RALGAPB: variants seen among roughly 807,000 people sequenced by gnomAD.
RALGAPB encodes Ral GTPase activating protein non-catalytic subunit beta.
A neutral mutation model predicts 161.1 loss-of-function variants in RALGAPB; 25 were observed. The ratio of observed to expected loss-of-function variants is 0.16; its 90% CI spans 0.11 to 0.22. The LOEUF is 0.22. Ranked by LOEUF, RALGAPB falls within the 10% of genes least tolerant of loss-of-function variation. The pLI is 1.00. For synonymous variants in RALGAPB, 629 were observed against 626.1 expected (o/e 1.00, Z -0.07); for missense variants, 1,391 against 1,815.2 (o/e 0.77, Z 4.25).
At chr20:38,541,234 T>G in intron 18 of RALGAPB, 42 bp downstream of exon 18, 2 of 1,603,340 alleles carry the variant, frequency 1.2e-6, no homozygotes, top group South Asian at 1.1e-5. Context: ...AGGAATTAGA[T>G]GGGGTTAGCA....
At chr20:38,571,673 G>T (rs1029580177) in intron 28 of RALGAPB, among the ~76,000 whole-genome samples, 2 of 152,186 alleles carry the variant, frequency 1.3e-5, no homozygotes, top group African/African-American at 2.4e-5. Context: ...AAATGGGAGT[G>T]CTGCTATCTC....
intron 9 of RALGAPB, among the ~76,000 whole-genome samples, chr20:38,520,568 T>C (rs2123111486): frequency 6.6e-6 from 1 of 150,914 alleles, no homozygotes; most frequent in East Asian, 1.9e-4. Flanking sequence ...CTTATTTTTA[T>C]ACAGATTTAG....
chr20:38,480,885 G>A (rs56111288), intron 1 of RALGAPB, among the ~76,000 whole-genome samples: 1,589 of 151,650 alleles, frequency 0.01, 22 homozygotes, highest in African/African-American at 0.037. Flanking sequence ...CTACAGGCGT[G>A]TGCCACCACG....
chr20:38,512,751 T>G (rs1335512297), intron 6 of RALGAPB, among the ~76,000 whole-genome samples: 2 of 152,100 alleles, frequency 1.3e-5, no homozygotes, highest in Non-Finnish European at 2.9e-5. Context: ...GTTAAAAATT[T>G]TATTTATTTT....
At chr20:38,574,647 G>C in intron 29 of RALGAPB, 127 bp from the exon 30 acceptor site, 3 of 918,162 alleles carry the variant, frequency 3.3e-6, no homozygotes, top group Non-Finnish European at 5.1e-6. Context: ...TCTCTCTGGG[G>C]ATGGGAAGTT....
In RALGAPB at chr20:38,548,744, T is replaced by G; in HGVS notation, c.2958T>G (p.Ala986=). 6.2e-7 allele frequency: 1 copy of G among 1,614,086 alleles called. No individual in the cohort carries two copies. The highest frequency in any genetic ancestry group is 8.5e-7 in the Non-Finnish European group (1 of 1,179,934). ...TCCGGGGAATGTCTGGAAGACTTGC[T>G]TGGGCACAACAGCTTTGTCTTTTAC... ...VLVRGMSGRL[A]WAQQLCLLPR... is the part of the protein sequence containing the mutation. The change falls in exon 20 of 30, where the codon GCT becomes GCG. Residue 986 remains alanine, a synonymous_variant. Transcript: ENST00000262879.
intron 22 of RALGAPB, among the ~76,000 whole-genome samples, chr20:38,555,180 G>A (rs2087533886): frequency 6.6e-6 from 1 of 152,188 alleles, no homozygotes; most frequent in Non-Finnish European, 1.5e-5. Context: ...TCTGGAGGTG[G>A]ACTTGGAATT....
At chr20:38,484,005 A>G (rs1434648893) in intron 1 of RALGAPB, among the ~76,000 whole-genome samples, 1 of 152,024 alleles carries the variant, frequency 6.6e-6, no homozygotes. Context: ...CCTGGCCAAT[A>G]TGGTGAATAC....
Position 38,517,488 on chromosome 20 carries a change from C to CTTTTTTTTT in RALGAPB, c.1052-12_1052-4dup. 1 of 1,315,236 alleles carries CTTTTTTTTT rather than the reference C, an allele frequency of 7.6e-7. No individual in the cohort carries two copies. Among genetic ancestry groups the CTTTTTTTTT allele is most frequent in the South Asian group, 1.5e-5 (1 of 66,538 alleles). The allele number at this position is 1,315,236 out of a possible 1,614,324, so 81.5% of individuals were successfully genotyped here. ...ACCTATGAAGAATAATTTCATTTGT[C>CTTTTTTTTT]TTTTTTTTTTTTTTAAGGTATTTCT... On this transcript the variant is annotated splice_polypyrimidine_tract_variant and intron_variant, in intron 7 of 29. Transcript: ENST00000262879.
chr20:38,504,983 T>G (rs2085715379), intron 5 of RALGAPB, among the ~76,000 whole-genome samples: 1 of 152,204 alleles, frequency 6.6e-6, no homozygotes, highest in African/African-American at 2.4e-5. Flanking sequence ...CTGGTGGGAA[T>G]GTAAATTAGT....
chr20:38,564,258 G>A (rs142178796), intron 24 of RALGAPB, among the ~76,000 whole-genome samples: 8 of 152,212 alleles, frequency 5.3e-5, no homozygotes, highest in Admixed American at 2.6e-4. Context: ...ATTGGAACTC[G>A]GTCACACTCT....
Position 38,517,885 on chromosome 20 carries a change from C to A in RALGAPB, c.1302C>A (p.Ala434=). 1 of 1,613,734 alleles carries A rather than the reference C, an allele frequency of 6.2e-7. No homozygotes were observed. Among genetic ancestry groups the A allele is most frequent in the Non-Finnish European group, 8.5e-7 (1 of 1,179,682 alleles). The stretch of plus-strand genomic sequence containing the variant: ...GTTCAGAACCCCGGCCACTGCCTGC[C>A]CCTCGGAGACCAAAGGTTAACAGCA... ...QTSSEPRPLP[A]PRRPKVNSIL... The change falls in exon 9 of 30, where the codon GCC becomes GCA. Residue 434 remains alanine, a synonymous_variant. Transcript: ENST00000262879.
intron 24 of RALGAPB, among the ~76,000 whole-genome samples, chr20:38,564,414 C>G (rs912955927): frequency 2.0e-5 from 3 of 152,168 alleles, no homozygotes; most frequent in Admixed American, 6.5e-5. Flanking sequence ...CTAAAGCTTC[C>G]TATTTGCCAT....
At chr20:38,494,623 C>G (rs1003145583) in intron 3 of RALGAPB, among the ~76,000 whole-genome samples, 5 of 152,160 alleles carry the variant, frequency 3.3e-5, no homozygotes, top group Non-Finnish European at 7.4e-5. Flanking sequence ...GAGCGAGACT[C>G]TGTCTCAAAC....
At chr20:38,525,670 C>A in intron 12 of RALGAPB, 152 bp downstream of exon 12, 1 of 826,806 alleles carries the variant, frequency 1.2e-6, no homozygotes, top group Non-Finnish European at 1.9e-6. Flanking sequence ...ACAAAGTTGA[C>A]TTGTGATTTT....
chr20:38,546,613 A>C, intron 19 of RALGAPB, 183 bp downstream of exon 19: 1 of 703,948 alleles, frequency 1.4e-6, no homozygotes, highest in African/African-American at 1.8e-5. Flanking sequence ...CATATTACAT[A>C]GAGTCTTTTA....
chr20:38,497,239 T>G, intron 3 of RALGAPB, 114 bp from the exon 4 acceptor site: 1 of 930,752 alleles, frequency 1.1e-6, no homozygotes, highest in Non-Finnish European at 1.6e-6. Context: ...TCTCTGCTGA[T>G]AATATTAGGG....
At chr20:38,522,819 A>G (rs1017180977) in intron 10 of RALGAPB, among the ~76,000 whole-genome samples, 2 of 152,224 alleles carry the variant, frequency 1.3e-5, no homozygotes, top group Admixed American at 6.5e-5. Flanking sequence ...GAAGCTAGTG[A>G]TATTTATTAA....
intron 6 of RALGAPB, among the ~76,000 whole-genome samples, chr20:38,514,443 A>T (rs1013789255): frequency 5.9e-5 from 9 of 152,206 alleles, no homozygotes; most frequent in African/African-American, 1.9e-4. Flanking sequence ...GGAAAATTGG[A>T]TCAAATTATC....
Sources: allele counts gnomAD v4.1 joint callset (sites outside exome capture counted in the v4.1 genomes callset), GRCh38; gene constraint gnomAD v4.1.1; transcripts MANE v1.5; gene names NCBI Gene and HGNC (gene_info 2026-07-23, HGNC 2026-07-21).